Variants in PLEKHG1 observed in about 807,000 individuals in gnomAD.
The protein encoded by PLEKHG1 is pleckstrin homology and RhoGEF domain containing G1, also known as pleckstrin homology domain-containing family G member 1.
In PLEKHG1, 44 loss-of-function variants were observed where a neutral mutation model predicts 100.8. The observed-to-expected ratio is 0.44, with a 90% CI of 0.34 to 0.56. The LOEUF (loss-of-function observed/expected upper bound fraction) is 0.56. Ranked by LOEUF, PLEKHG1 falls within the 20% of genes least tolerant of loss-of-function variation. PLEKHG1 has a pLI of 0.01. For missense variants in PLEKHG1, 1,545 were observed against 1,720.9 expected, an observed-to-expected ratio of 0.90 and a Z score of 1.81; for synonymous variants, 640 against 662.5, an observed-to-expected ratio of 0.97 and a Z score of 0.52.
chr6:150,659,628 C>T (rs1433689043), intron 3 of PLEKHG1, among the ~76,000 whole-genome samples: 2 of 152,172 alleles, frequency 1.3e-5, no homozygotes, highest in African/African-American at 4.8e-5. Context: ...TTATCTAGAC[C>T]TTATCGGTCC....
chr6:150,776,514 G>A (rs1326185513), intron 3 of PLEKHG1, among the ~76,000 whole-genome samples: 2 of 131,302 alleles, frequency 1.5e-5, no homozygotes, highest in Non-Finnish European at 3.1e-5. Flanking sequence ...CCACACTGAT[G>A]CAATCCTGGT....
chr6:150,780,885 T>G (rs1785270566), intron 3 of PLEKHG1, among the ~76,000 whole-genome samples: 1 of 151,916 alleles, frequency 6.6e-6, no homozygotes, highest in Non-Finnish European at 1.5e-5. Context: ...GTTTGTTTGT[T>G]TTTTCTGAGA....
intron 15 of PLEKHG1, among the ~76,000 whole-genome samples, chr6:150,835,769 A>G (rs1777192346): frequency 6.6e-6 from 1 of 152,198 alleles, no homozygotes; most frequent in African/African-American, 2.4e-5. Context: ...CACACAAGCT[A>G]TAGACTCTCT....
chr6:150,767,245 A>G (rs1299484706), intron 2 of PLEKHG1, among the ~76,000 whole-genome samples: 1 of 152,098 alleles, frequency 6.6e-6, no homozygotes, highest in Admixed American at 6.6e-5. Context: ...TGTCCTATGC[A>G]GGTACTCAAG....
intron 2 of PLEKHG1, among the ~76,000 whole-genome samples, chr6:150,747,949 T>C (rs1489816172): frequency 1.3e-5 from 2 of 151,172 alleles, no homozygotes; most frequent in African/African-American, 4.9e-5. Context: ...GTACATCAAG[T>C]ACATTCACAT....
At chr6:150,821,277 T>G in intron 13 of PLEKHG1, 44 bp downstream of exon 14, 1 of 1,267,202 alleles carries the variant, frequency 7.9e-7, no homozygotes, top group East Asian at 2.3e-5. Context: ...TTGTTGATAT[T>G]CACTAAATCA....
exon 16 of PLEKHG1, chr6:150,841,008 A>G (rs900189423): frequency 1.2e-6 from 1 of 857,260 alleles, no homozygotes; most frequent in African/African-American, 1.7e-5. Context: ...TAAGAACCAG[A>G]GGTGTAAAAT....
chr6:150,729,886 A>C (rs1052496613), intron 1 of PLEKHG1, among the ~76,000 whole-genome samples: 1 of 151,668 alleles, frequency 6.6e-6, no homozygotes, highest in Non-Finnish European at 1.5e-5. Flanking sequence ...TATTGATCTG[A>C]GTTTTATATT....
At chr6:150,843,185 C>T (rs574088763) in exon 16 of PLEKHG1, 5 of 152,304 alleles carry the variant, frequency 3.3e-5, no homozygotes, top group South Asian at 4.2e-4. Flanking sequence ...TACTTCTTCA[C>T]GCCAGTGTCT....
At chr6:150,828,299 C>G (rs1036544695) in intron 14 of PLEKHG1, 2 of 1,612,188 alleles carry the variant, frequency 1.2e-6, no homozygotes, top group Admixed American at 3.3e-5. Flanking sequence ...GAGGAAAACC[C>G]TAAGAAGCCG....
At chr6:150,758,741 C>T (rs1229030277) in intron 2 of PLEKHG1, among the ~76,000 whole-genome samples, 4 of 152,052 alleles carry the variant, frequency 2.6e-5, no homozygotes, top group African/African-American at 9.7e-5. Flanking sequence ...AGCTTTTTTT[C>T]ATATGTTGTC....
At chr6:150,686,283 C>G (rs942931500) in intron 3 of PLEKHG1, among the ~76,000 whole-genome samples, 13 of 152,222 alleles carry the variant, frequency 8.5e-5, no homozygotes, top group African/African-American at 2.2e-4. Flanking sequence ...AACCAACTTT[C>G]GTCATTCTCA....
chr6:150,676,468 G>A (rs778143670), intron 3 of PLEKHG1, among the ~76,000 whole-genome samples: 7 of 152,198 alleles, frequency 4.6e-5, no homozygotes, highest in Non-Finnish European at 8.8e-5. Flanking sequence ...ACTGTTAACC[G>A]TGTAAACTAT....
chr6:150,605,147 A>T (rs1343375832), intron 1 of PLEKHG1, among the ~76,000 whole-genome samples: 2 of 152,216 alleles, frequency 1.3e-5, no homozygotes, highest in Non-Finnish European at 2.9e-5. Context: ...GGTCTAGAGA[A>T]ATGTGGTGAT....
At chr6:150,787,400 A>G (rs530979610) in intron 4 of PLEKHG1, among the ~76,000 whole-genome samples, 1 of 152,350 alleles carries the variant, frequency 6.6e-6, no homozygotes, top group East Asian at 1.9e-4. Flanking sequence ...GGCCTTTCCT[A>G]CATTGCTTTC....
At chr6:150,696,536 G>C (rs1780551074) in intron 3 of PLEKHG1, among the ~76,000 whole-genome samples, 1 of 151,842 alleles carries the variant, frequency 6.6e-6, no homozygotes, top group Non-Finnish European at 1.5e-5. Flanking sequence ...ATTGGTTCTG[G>C]TGGTCTGTTC....
At chr6:150,761,878 A>G (rs13211116) in intron 2 of PLEKHG1, among the ~76,000 whole-genome samples, 57,743 of 152,010 alleles carry the variant, frequency 0.38, 13,940 homozygotes, top group African/African-American at 0.67. Context: ...TCCTAGGCCC[A>G]GCTGGCCCAT....
chr6:150,822,177 A>C (rs55992952), intron 13 of PLEKHG1, among the ~76,000 whole-genome samples: 1,375 of 124,336 alleles, frequency 0.011, 43 homozygotes, highest in East Asian at 0.021. Flanking sequence ...AAAAAAAAAA[A>C]AGAATAGGGC....
At chr6:150,673,334 G>C (rs967658935) in intron 3 of PLEKHG1, among the ~76,000 whole-genome samples, 2 of 152,320 alleles carry the variant, frequency 1.3e-5, no homozygotes, top group African/African-American at 4.8e-5. Context: ...TGTGTAATCT[G>C]TGACCTCTGC....
Sources: gnomAD v4.1 joint callset for allele counts (sites outside exome capture counted in the v4.1 genomes callset) on GRCh38, gnomAD v4.1.1 for gene constraint, MANE v1.5 for transcripts, NCBI Gene and HGNC (gene_info 2026-07-23, HGNC 2026-07-21) for gene names.